FAM229B: variants seen among roughly 807,000 people sequenced by gnomAD.
FAM229B encodes protein FAM229B.
FAM229B carries 2 observed loss-of-function variants against 6.7 expected under a neutral mutation model. The ratio of observed to expected loss-of-function variants is 0.30; its 90% CI spans 0.12 to 0.94. FAM229B has a LOEUF of 0.94. FAM229B is among the 40% of genes least tolerant of loss of function. The pLI is 0.54. For synonymous variants in FAM229B, 29 were observed against 34.0 expected, an observed-to-expected ratio of 0.85 and a Z score of 0.51; for missense variants, 93 against 96.2, an observed-to-expected ratio of 0.97 and a Z score of 0.14.
intron 1 of FAM229B, among the ~76,000 whole-genome samples, chr6:112,089,684 C>A (rs587685499): frequency 4.6e-5 from 7 of 152,148 alleles, no homozygotes; most frequent in Admixed American, 1.3e-4. Flanking sequence ...ATTTAAGAAG[C>A]AGACTAGAGA....
intron 3 of FAM229B, 94 bp downstream of exon 3, chr6:112,099,502 T>C (rs2114510805): frequency 8.2e-7 from 1 of 1,225,424 alleles, no homozygotes; most frequent in South Asian, 1.8e-5. Flanking sequence ...GAAAAAACTC[T>C]CAGCAATTCA....
rs1439090061 is a variant in FAM229B, at chr6:112,102,619, G to C, written c.*1832G>C. The C allele has an allele frequency of 6.6e-6, 1 of 152,152 alleles. No homozygotes were observed. The highest frequency in any genetic ancestry group is 2.4e-5 in the African/African-American group (1 of 41,412). The allele number at this position is 152,152 out of a possible 1,614,324, so 9.4% of individuals were successfully genotyped here. A position where few individuals can be genotyped will look rare whatever the true frequency, so the allele number is the denominator to read the frequency against. On this transcript the variant is annotated 3_prime_UTR_variant, in exon 4 of 4. Transcript: ENST00000368656. ...GAGTCTTCAGCAAAATATTGGCAAA[G>C]TAGGGTTAGGGTTAGGTTAGGGAGA...
intron 2 of FAM229B, among the ~76,000 whole-genome samples, chr6:112,098,812 G>C (rs1047411520): frequency 2.6e-5 from 4 of 152,192 alleles, no homozygotes; most frequent in Non-Finnish European, 4.4e-5. Flanking sequence ...GGCAGAAATG[G>C]TCTTCAGTTA....
intron 1 of FAM229B, among the ~76,000 whole-genome samples, chr6:112,095,328 A>G (rs1303343067): frequency 1.3e-5 from 2 of 152,128 alleles, no homozygotes; most frequent in East Asian, 3.9e-4. Flanking sequence ...CAGAGCTAAC[A>G]TTGTGTCAAA....
intron 1 of FAM229B, among the ~76,000 whole-genome samples, chr6:112,095,612 G>A (rs1454952308): frequency 9.4e-6 from 1 of 106,072 alleles, no homozygotes; most frequent in Non-Finnish European, 1.7e-5. Context: ...CTCCAGCCTG[G>A]ATGACAGAGC....
At chr6:112,097,763 A>T (rs1253603542) in intron 2 of FAM229B, among the ~76,000 whole-genome samples, 1 of 152,254 alleles carries the variant, frequency 6.6e-6, no homozygotes, top group Non-Finnish European at 1.5e-5. Context: ...ATTGTGTACT[A>T]ATAGTTGAAT....
intron 3 of FAM229B, among the ~76,000 whole-genome samples, 200 bp from the exon 4 acceptor site, chr6:112,100,470 C>T (rs1442472405): frequency 4.6e-5 from 7 of 152,230 alleles, no homozygotes; most frequent in South Asian, 2.1e-4. Flanking sequence ...TAAATATGTA[C>T]GTCAGAGGCC....
At chr6:112,090,157 T>G (rs1257182102) in intron 1 of FAM229B, among the ~76,000 whole-genome samples, 1 of 152,232 alleles carries the variant, frequency 6.6e-6, no homozygotes, top group Non-Finnish European at 1.5e-5. Flanking sequence ...AGAAAATTAT[T>G]CTGTAGCTTT....
At chr6:112,099,486 T>G in intron 3 of FAM229B, 78 bp downstream of exon 3, 1 of 1,372,400 alleles carries the variant, frequency 7.3e-7, no homozygotes, top group Non-Finnish European at 9.8e-7. Context: ...TATTCATTAT[T>G]AGCAAGAAAA....
intron 3 of FAM229B, among the ~76,000 whole-genome samples, chr6:112,099,865 G>A (rs782301178): frequency 1.3e-5 from 2 of 152,190 alleles, no homozygotes; most frequent in African/African-American, 4.8e-5. Flanking sequence ...GCTTTGCTGC[G>A]ACCTTTGGCA....
At chr6:112,100,205 A>G (rs1171819622) in intron 3 of FAM229B, among the ~76,000 whole-genome samples, 2 of 152,224 alleles carry the variant, frequency 1.3e-5, no homozygotes, top group Admixed American at 6.5e-5. Flanking sequence ...TTTAAGGGCC[A>G]TTTCAAATCT....
intron 1 of FAM229B, among the ~76,000 whole-genome samples, chr6:112,092,450 C>G: frequency 6.6e-6 from 1 of 151,930 alleles, no homozygotes; most frequent in East Asian, 1.9e-4. Flanking sequence ...ATTGAGAATT[C>G]TATACCCAGT....
chr6:112,092,842 G>A (rs7757697), intron 1 of FAM229B, among the ~76,000 whole-genome samples: 37,564 of 151,536 alleles, frequency 0.25, 4,627 homozygotes, highest in East Asian at 0.32. Flanking sequence ...ACTATGAAAA[G>A]TTAAATATGT....
intron 1 of FAM229B, among the ~76,000 whole-genome samples, chr6:112,090,333 A>G (rs587746289): frequency 6.6e-6 from 1 of 152,332 alleles, no homozygotes; most frequent in African/African-American, 2.4e-5. Flanking sequence ...TAAATTCATT[A>G]GTTAAATCAC....
At chr6:112,094,681 G>A (rs1777299548) in intron 1 of FAM229B, among the ~76,000 whole-genome samples, 1 of 152,042 alleles carries the variant, frequency 6.6e-6, no homozygotes, top group Admixed American at 6.6e-5. Context: ...GGCTCATGGT[G>A]GATTCTCAGC....
At chr6:112,092,734 GACA>G (rs781908252) in intron 1 of FAM229B, among the ~76,000 whole-genome samples, 1 of 151,944 alleles carries the variant, frequency 6.6e-6, no homozygotes, top group Admixed American at 6.6e-5. Flanking sequence ...TAAAGTATAT[GACA>G]ACAAAATTAT....
At chr6:112,088,556 C>G (rs1402612991) in intron 1 of FAM229B, among the ~76,000 whole-genome samples, 1 of 151,928 alleles carries the variant, frequency 6.6e-6, no homozygotes, top group Non-Finnish European at 1.5e-5. Context: ...ACTTTATTGT[C>G]CCACCAAGAC....
intron 1 of FAM229B, among the ~76,000 whole-genome samples, chr6:112,095,224 CAT>C (rs1327569094): frequency 6.6e-6 from 1 of 152,138 alleles, no homozygotes; most frequent in Non-Finnish European, 1.5e-5. Flanking sequence ...TGGCTTTATA[CAT>C]GTTAGATTGT....
intron 2 of FAM229B, among the ~76,000 whole-genome samples, chr6:112,099,049 C>T: frequency 6.6e-6 from 1 of 152,158 alleles, no homozygotes; most frequent in East Asian, 1.9e-4. Context: ...GTTCCAGTTA[C>T]TCAGGAGGCT....
Sources: allele counts gnomAD v4.1 joint callset (sites outside exome capture counted in the v4.1 genomes callset), GRCh38; gene constraint gnomAD v4.1.1; transcripts MANE v1.5; gene names NCBI Gene and HGNC (gene_info 2026-07-23, HGNC 2026-07-21).